Variants in JAKMIP3 observed in about 807,000 individuals in gnomAD.
The protein encoded by JAKMIP3 is Janus kinase and microtubule interacting protein 3, also known as janus kinase and microtubule-interacting protein 3.
JAKMIP3 carries 58 observed loss-of-function variants against 118.5 expected under a neutral mutation model. The observed-to-expected ratio is 0.49, with a 90% CI of 0.40 to 0.61. The LOEUF is 0.61. JAKMIP3 is among the 20% of genes least tolerant of loss of function. The pLI is 0.00. For missense variants in JAKMIP3, 950 were observed against 1,109.0 expected (o/e 0.86, Z 2.04); for synonymous variants, 486 against 451.2 (o/e 1.08, Z -0.98).
intron 1 of JAKMIP3, among the ~76,000 whole-genome samples, chr10:132,080,503 ATTTTTTTTTTTTT>A (rs201838731): frequency 0.019 from 1,162 of 61,562 alleles, 27 homozygotes; most frequent in African/African-American, 0.075. Context: ...AAGTTATAGG[ATTTTTTTTTTTTT>A]TTTTTTTTTT....
intron 9 of JAKMIP3, among the ~76,000 whole-genome samples, chr10:132,139,091 CGTGT>C (rs2052555821): frequency 8.4e-6 from 1 of 119,194 alleles, no homozygotes; most frequent in African/African-American, 3.2e-5. Flanking sequence ...TGTGTGAGTG[CGTGT>C]ATGTGTGTAC....
At position 132,104,730 on chromosome 10, in the gene JAKMIP3, T is replaced by G. The variant is rs1379744783; in HGVS notation, c.-79T>G. On this transcript the variant is annotated 5_prime_UTR_variant, in exon 2 of 24. Transcript: ENST00000684848. ...GGTGACACCTGCTGGGAGCTTGGCG[T>G]GGACACCCCAGCCACCCCCAGCCCA... The G allele has an allele frequency of 6.9e-7, 1 of 1,442,594 alleles. No individual in the cohort carries two copies. Among genetic ancestry groups the G allele is most frequent in the African/African-American group, 1.4e-5 (1 of 70,920 alleles). 89.4% of individuals were successfully genotyped at this position (1,442,594 alleles called of 1,614,324 possible). A position where few individuals can be genotyped will look rare whatever the true frequency, so the allele number is the denominator to read the frequency against.
At chr10:132,061,811 GAAAC>G (rs1320651208), upstream of JAKMIP3, among the ~76,000 whole-genome samples, 1 of 152,174 alleles carries the variant, frequency 6.6e-6, no homozygotes, top group African/African-American at 2.4e-5. Flanking sequence ...CATTTCTTAA[GAAAC>G]AAAAACATAA....
intron 17 of JAKMIP3, among the ~76,000 whole-genome samples, chr10:132,153,528 C>G (rs1024738688): frequency 2.0e-5 from 3 of 152,162 alleles, no homozygotes; most frequent in African/African-American, 7.2e-5. Context: ...TAGTGTCCCT[C>G]CTCTCCTGGA....
intron 6 of JAKMIP3, 138 bp downstream of exon 6, chr10:132,136,214 C>T (rs757436500): frequency 1.4e-5 from 13 of 902,182 alleles, no homozygotes; most frequent in Non-Finnish European, 2.0e-5. Context: ...TCTGGCCTCA[C>T]GCATGTTTGA....
Position 132,117,474 on chromosome 10 carries a change from C to A in JAKMIP3, c.533C>A (p.Ala178Glu). The change falls in exon 3 of 24, where the codon GCG (alanine) becomes GAG (glutamate). Residue 178 changes from alanine (A) to glutamate (E), a missense_variant. By Grantham distance (107) the Ala-to-Glu change is moderately radical (BLOSUM62 -1). Transcript: ENST00000684848. The surrounding 1 kb of genome is among the most constrained non-coding windows in gnomAD (Gnocchi z 8.6). ...GAGGCGCTGACGCTGGTGATCCAAG[C>A]GGACAAGATCAAGGCCGCAGAGATC... ...VEEALTLVIQ[A>E]DKIKAAEIRS... 1 of 1,613,722 alleles carries A rather than the reference C, an allele frequency of 6.2e-7. No individual in the cohort carries two copies. The highest frequency in any genetic ancestry group is 8.5e-7 in the Non-Finnish European group (1 of 1,179,840).
chr10:132,061,290 C>T (rs1029719774), upstream of JAKMIP3, among the ~76,000 whole-genome samples: 15 of 151,964 alleles, frequency 9.9e-5, no homozygotes, highest in South Asian at 2.1e-4. Flanking sequence ...CCTGCCGTGA[C>T]GGCACACACA....
chr10:132,136,071 GA>G lies in JAKMIP3; in HGVS notation c.1114del (p.Met372Ter). ...AAAATTTGTCACCCAGGAGAACATA[GA>G]AATGGTGAGGGGGTGGGGGGCTCCA... ...KLKFVTQENIEMRQRAGIIRR... is the reference protein window; with the variant it reads ...KLKFVTQENIXMRQRAGIIRR... On this transcript the variant is annotated frameshift_variant, in exon 6 of 24. Coordinates refer to ENST00000684848, the MANE Select transcript of JAKMIP3 (RefSeq NM_001323087.2). 1 of 1,613,390 alleles carries G rather than the reference GA, an allele frequency of 6.2e-7. No individual in the cohort carries two copies. Among genetic ancestry groups the G allele is most frequent in the Non-Finnish European group, 8.5e-7 (1 of 1,179,778 alleles).
chr10:132,171,652 C>T (rs374155831), intron 23 of JAKMIP3, among the ~76,000 whole-genome samples: 7,334 of 135,692 alleles, frequency 0.054, 580 homozygotes, highest in African/African-American at 0.18. Context: ...TTTTTTCTTT[C>T]TTTTTTTTTT....
intron 3 of JAKMIP3, among the ~76,000 whole-genome samples, chr10:132,127,679 T>C (rs1295634346): frequency 1.3e-5 from 2 of 152,104 alleles, no homozygotes; most frequent in Non-Finnish European, 2.9e-5. Flanking sequence ...TCCTTTTTTT[T>C]CCCTCCCTCC....
chr10:132,140,431 C>T lies in JAKMIP3; in HGVS notation c.1345-20C>T, dbSNP rs370909046. ...TGCCTGGGTCTGGTTTGAACTGACACGTCGCATTTTGGTCACAAGCCGGTG... is the reference window on the plus strand; with the variant it reads ...TGCCTGGGTCTGGTTTGAACTGACATGTCGCATTTTGGTCACAAGCCGGTG... On this transcript the variant is annotated intron_variant, in intron 9 of 23. Transcript: ENST00000684848. 228 of 1,613,160 alleles carry T rather than the reference C, an allele frequency of 1.4e-4. No individual in the cohort carries two copies. The highest frequency in any genetic ancestry group is 1.9e-4 in the Non-Finnish European group (219 of 1,179,736).
At chr10:132,167,803 C>G (rs2059067297) in intron 22 of JAKMIP3, 150 bp from the exon 23 acceptor site, 4 of 417,534 alleles carry the variant, frequency 9.6e-6, no homozygotes, top group South Asian at 7.6e-5. Flanking sequence ...GCCCTTCGGT[C>G]CTCACCCCTC....
At chr10:132,061,675 T>G (rs1379219604), upstream of JAKMIP3, among the ~76,000 whole-genome samples, 1 of 152,166 alleles carries the variant, frequency 6.6e-6, no homozygotes, top group Non-Finnish European at 1.5e-5. Flanking sequence ...AGGTCAGCGG[T>G]AGCACGGGGC....
chr10:132,168,281 C>A lies in JAKMIP3; in HGVS notation c.*351C>A, dbSNP rs2059150263. The A allele has an allele frequency of 3.1e-6, 4 of 1,289,466 alleles. No homozygotes were observed. Among genetic ancestry groups the A allele is most frequent in the Non-Finnish European group, 4.0e-6 (4 of 988,784 alleles). The allele number at this position is 1,289,466 out of a possible 1,614,324, so 79.9% of individuals were successfully genotyped here. On this transcript the variant is annotated 3_prime_UTR_variant, in exon 23 of 24. Coordinates refer to ENST00000684848, the MANE Select transcript of JAKMIP3 (RefSeq NM_001323087.2). ...ATTCCCTGCCAAGCAGGGGTGAGAACTGCTTCTGTGCAGAAGCACCAGCCG... is the reference window on the plus strand; with the variant it reads ...ATTCCCTGCCAAGCAGGGGTGAGAAATGCTTCTGTGCAGAAGCACCAGCCG...
At chr10:132,142,490 G>GCCCCTCTC (rs1224748195) in intron 11 of JAKMIP3, among the ~76,000 whole-genome samples, 9 of 152,190 alleles carry the variant, frequency 5.9e-5, no homozygotes, top group Middle Eastern at 3.4e-3. Context: ...CCCGGCCCCG[G>GCCCCTCTC]CCCCGGCCCC....
intron 19 of JAKMIP3, among the ~76,000 whole-genome samples, chr10:132,157,558 C>T (rs1453725685): frequency 6.6e-6 from 1 of 152,162 alleles, no homozygotes; most frequent in African/African-American, 2.4e-5. Flanking sequence ...AATATTTCTC[C>T]CCATAGTAGG....
At chr10:132,170,717 G>A (rs2059410760) in intron 23 of JAKMIP3, among the ~76,000 whole-genome samples, 2 of 152,196 alleles carry the variant, frequency 1.3e-5, no homozygotes, top group South Asian at 2.1e-4. Flanking sequence ...GGCCGCCAAC[G>A]TGCAGACTGT....
chr10:132,073,508 T>G (rs2040309804), intron 1 of JAKMIP3, among the ~76,000 whole-genome samples: 3 of 151,272 alleles, frequency 2.0e-5, no homozygotes, highest in African/African-American at 7.3e-5. Context: ...TTTTTTTTTT[T>G]TTTTTTGAGA....
chr10:132,036,372 G>A (rs2037495911), upstream of JAKMIP3, among the ~76,000 whole-genome samples: 1 of 152,240 alleles, frequency 6.6e-6, no homozygotes, highest in Non-Finnish European at 1.5e-5. Context: ...CAGCTCCCCC[G>A]TGCTGCGCAT....
Sources: gnomAD v4.1 joint callset for allele counts (sites outside exome capture counted in the v4.1 genomes callset) on GRCh38, gnomAD v4.1.1 for gene constraint, Gnocchi (gnomAD v3.1) non-coding constraint, MANE v1.5 for transcripts, NCBI Gene and HGNC (gene_info 2026-07-23, HGNC 2026-07-21) for gene names.